The following MFHAS1 variants were observed in gnomAD, a reference collection of about 807,000 sequenced individuals.
The protein encoded by MFHAS1 is multifunctional ROCO family signaling regulator 1.
MFHAS1 carries 50 observed loss-of-function variants against 70.4 expected under a neutral mutation model. That is an observed-to-expected ratio of 0.71 (90% CI 0.57 to 0.90). The LOEUF (loss-of-function observed/expected upper bound fraction) is 0.90. Ranked by LOEUF, MFHAS1 falls within the 40% of genes least tolerant of loss-of-function variation. The pLI is 0.00. For synonymous variants in MFHAS1, 952 were observed against 620.0 expected (o/e 1.54, Z -7.96); for missense variants, 1,795 against 1,347.6 (o/e 1.33, Z -5.20).
chr8:8,816,603 G>C (rs1806754886), intron 1 of MFHAS1, among the ~76,000 whole-genome samples: 1 of 151,964 alleles, frequency 6.6e-6, no homozygotes, highest in Non-Finnish European at 1.5e-5. Flanking sequence ...GTTGGTAAAA[G>C]AAAAAAAGTA....
At chr8:8,788,897 G>C (rs771133015) in intron 2 of MFHAS1, among the ~76,000 whole-genome samples, 17 of 152,180 alleles carry the variant, frequency 1.1e-4, no homozygotes, top group Non-Finnish European at 2.5e-4. Context: ...GGGAGTATCT[G>C]TGTGTTGGCA....
intron 1 of MFHAS1, among the ~76,000 whole-genome samples, chr8:8,819,158 T>A (rs986108505): frequency 6.6e-6 from 1 of 151,792 alleles, no homozygotes; most frequent in Non-Finnish European, 1.5e-5. Flanking sequence ...GCAGTGTATA[T>A]ATTAAACTTT....
At chr8:8,834,593 A>C (rs1450817776) in intron 1 of MFHAS1, among the ~76,000 whole-genome samples, 2 of 152,204 alleles carry the variant, frequency 1.3e-5, no homozygotes, top group Non-Finnish European at 2.9e-5. Context: ...CTATTCTAGG[A>C]GCAACAGGCT....
At chr8:8,822,730 C>G (rs1161794840) in intron 1 of MFHAS1, among the ~76,000 whole-genome samples, 1 of 133,838 alleles carries the variant, frequency 7.5e-6, no homozygotes, top group South Asian at 2.5e-4. Context: ...GTCAGGGAGA[C>G]TGAGATGAGG....
At chr8:8,863,604 T>C (rs1398270836) in intron 1 of MFHAS1, among the ~76,000 whole-genome samples, 3 of 152,206 alleles carry the variant, frequency 2.0e-5, no homozygotes, top group African/African-American at 2.4e-5. Context: ...ATCATTAAAA[T>C]GTTTCTAACC....
In MFHAS1 at chr8:8,892,033, G is replaced by A. The variant is rs758431755; in HGVS notation, c.1026C>T (p.Thr342=). The change falls in exon 1 of 3, where the codon ACC becomes ACT. Residue 342 remains threonine, a synonymous_variant. Coordinates refer to ENST00000276282, the MANE Select transcript of MFHAS1 (RefSeq NM_004225.3). This position sits in a 1 kb window ranked among gnomAD's most constrained non-coding sequence, Gnocchi z 4.7. ...RYLPDSIVEL[T]GLEELVLQGN... is the part of the protein sequence containing the mutation. ...CCTGCAGCACGAGCTCCTCCAGGCCGGTCAGCTCCACGATGGAGTCCGGCA... is the reference window on the plus strand; with the variant it reads ...CCTGCAGCACGAGCTCCTCCAGGCCAGTCAGCTCCACGATGGAGTCCGGCA... 7.4e-6 allele frequency: 12 copies of A among 1,613,424 alleles called. No individual in the cohort carries two copies. The highest frequency in any genetic ancestry group is 3.3e-5 in the Admixed American group (2 of 60,008).
At chr8:8,790,300 T>C in intron 2 of MFHAS1, 12 of 859,526 alleles carry the variant, frequency 1.4e-5, no homozygotes, top group Non-Finnish European at 1.7e-5. Flanking sequence ...TTTAAGAAAT[T>C]CTCTCTGTTT....
intron 1 of MFHAS1, among the ~76,000 whole-genome samples, chr8:8,802,856 C>G (rs1433289458): frequency 6.6e-6 from 1 of 152,154 alleles, no homozygotes; most frequent in Non-Finnish European, 1.5e-5. Context: ...TGGAAGGCCA[C>G]CCACACGGGA....
intron 1 of MFHAS1, among the ~76,000 whole-genome samples, chr8:8,855,301 G>A (rs757010842): frequency 7.2e-5 from 11 of 152,144 alleles, no homozygotes; most frequent in East Asian, 1.9e-4. Context: ...TAGGACAAGC[G>A]GAAAACAGAT....
At chr8:8,890,014 A>T (rs764644097) in intron 1 of MFHAS1, 47 bp downstream of exon 1, 2 of 1,439,904 alleles carry the variant, frequency 1.4e-6, no homozygotes, top group Non-Finnish European at 1.9e-6. Flanking sequence ...CTCCAAAAAC[A>T]TATCTTACAG....
chr8:8,820,562 A>G (rs556688685), intron 1 of MFHAS1, among the ~76,000 whole-genome samples: 3 of 152,296 alleles, frequency 2.0e-5, no homozygotes, highest in South Asian at 2.1e-4. Flanking sequence ...TTACGTAAGT[A>G]GACTAATATC....
intron 1 of MFHAS1, among the ~76,000 whole-genome samples, chr8:8,803,281 G>C (rs1339359751): frequency 6.6e-6 from 1 of 151,118 alleles, no homozygotes; most frequent in Admixed American, 6.6e-5. Context: ...GAGGCCGAGG[G>C]GTGGGGGCAG....
chr8:8,866,244 C>T (rs1200295733), intron 1 of MFHAS1, among the ~76,000 whole-genome samples: 3 of 151,784 alleles, frequency 2.0e-5, no homozygotes, highest in South Asian at 2.1e-4. Context: ...TTTTATCAGA[C>T]GATAAAACTC....
chr8:8,830,499 T>C (rs893962048), intron 1 of MFHAS1, among the ~76,000 whole-genome samples: 1 of 152,146 alleles, frequency 6.6e-6, no homozygotes, highest in Non-Finnish European at 1.5e-5. Flanking sequence ...AATAGGACAT[T>C]AGTGGGGGCT....
intron 1 of MFHAS1, among the ~76,000 whole-genome samples, chr8:8,816,745 G>A (rs1806762014): frequency 6.6e-6 from 1 of 152,024 alleles, no homozygotes; most frequent in Non-Finnish European, 1.5e-5. Flanking sequence ...ATATCAGTAG[G>A]TCAAAGTAGT....
At chr8:8,803,870 G>C (rs920387340) in intron 1 of MFHAS1, among the ~76,000 whole-genome samples, 1 of 152,106 alleles carries the variant, frequency 6.6e-6, no homozygotes, top group Non-Finnish European at 1.5e-5. Flanking sequence ...TACTCCAGAA[G>C]CTGAGGCAGG....
intron 1 of MFHAS1, among the ~76,000 whole-genome samples, chr8:8,841,357 C>T (rs1807816203): frequency 1.3e-5 from 2 of 152,118 alleles, no homozygotes. Flanking sequence ...CGCCTGTAAT[C>T]CCAGCTACTC....
At chr8:8,791,450 T>C (rs1468204284) in intron 2 of MFHAS1, among the ~76,000 whole-genome samples, 1 of 152,198 alleles carries the variant, frequency 6.6e-6, no homozygotes, top group Non-Finnish European at 1.5e-5. Context: ...TAAACTGGGT[T>C]ATCTGGCAGG....
chr8:8,821,409 G>T (rs150254590), intron 1 of MFHAS1, among the ~76,000 whole-genome samples: 2 of 152,212 alleles, frequency 1.3e-5, no homozygotes, highest in African/African-American at 2.4e-5. Context: ...AAAGATCGAA[G>T]ATCGGCATGG....
Sources: allele counts gnomAD v4.1 joint callset (sites outside exome capture counted in the v4.1 genomes callset), GRCh38; gene constraint gnomAD v4.1.1; non-coding constraint Gnocchi (gnomAD v3.1); transcripts MANE v1.5; gene names NCBI Gene and HGNC (gene_info 2026-07-23, HGNC 2026-07-21).